RNF144A: variants seen among roughly 807,000 people sequenced by gnomAD.
RNF144A encodes E3 ubiquitin-protein ligase RNF144A.
In RNF144A, 11 loss-of-function variants were observed where a neutral mutation model predicts 38.7. The observed-to-expected ratio is 0.28, with a 90% CI of 0.18 to 0.47. RNF144A has a LOEUF of 0.47. Ranked by LOEUF, RNF144A falls within the 20% of genes least tolerant of loss-of-function variation. The pLI, the probability that RNF144A is intolerant of heterozygous loss-of-function variation, is 0.99. For missense variants in RNF144A, 316 were observed against 377.2 expected, an observed-to-expected ratio of 0.84 and a Z score of 1.34; for synonymous variants, 149 against 143.9, an observed-to-expected ratio of 1.04 and a Z score of -0.25.
chr2:6,952,042 A>C (rs1345318498), intron 2 of RNF144A, among the ~76,000 whole-genome samples: 1 of 152,144 alleles, frequency 6.6e-6, no homozygotes, highest in Non-Finnish European at 1.5e-5. Flanking sequence ...ATATTTTTCT[A>C]AATGTCATTA....
At chr2:6,934,855 TTTC>T (rs1161449116) in intron 1 of RNF144A, among the ~76,000 whole-genome samples, 11 of 152,244 alleles carry the variant, frequency 7.2e-5, no homozygotes, top group Admixed American at 4.6e-4. Flanking sequence ...TTTTAACCTG[TTTC>T]TTCTTCTGTA....
chr2:7,032,396 G>GCTCGAATCCGCGCCCCTTGCAGCTCTT (rs1344145049), intron 8 of RNF144A, among the ~76,000 whole-genome samples: 3 of 152,248 alleles, frequency 2.0e-5, no homozygotes, highest in African/African-American at 7.2e-5. Flanking sequence ...TTGCAGCTCT[G>GCTCGAATCCGCGCCCCTTGCAGCTCTT]CTCTGGCTGC....
chr2:6,950,873 C>T (rs1027433315), intron 2 of RNF144A, among the ~76,000 whole-genome samples: 1 of 152,036 alleles, frequency 6.6e-6, no homozygotes, highest in East Asian at 1.9e-4. Flanking sequence ...TTGTATTTTT[C>T]TTATTGATTT....
At chr2:7,021,755 G>A (rs1285443852) in intron 6 of RNF144A, among the ~76,000 whole-genome samples, 2 of 152,228 alleles carry the variant, frequency 1.3e-5, no homozygotes, top group African/African-American at 4.8e-5. Flanking sequence ...CACAGGGCCT[G>A]GGCCTTTCTG....
intron 1 of RNF144A, among the ~76,000 whole-genome samples, chr2:6,923,826 C>T (rs544834583): frequency 4.0e-5 from 6 of 151,234 alleles, no homozygotes; most frequent in East Asian, 1.9e-4. Flanking sequence ...CCTGTAGTTG[C>T]GTTTAAAACT....
chr2:6,995,848 A>G (rs1183515352), intron 2 of RNF144A, among the ~76,000 whole-genome samples: 5 of 152,080 alleles, frequency 3.3e-5, no homozygotes. Context: ...CTTCAATCCA[A>G]TCAAGTTGGC....
downstream of RNF144A, among the ~76,000 whole-genome samples, chr2:7,071,578 G>A (rs1239177209): frequency 6.6e-6 from 1 of 152,238 alleles, no homozygotes; most frequent in Non-Finnish European, 1.5e-5. Context: ...TTTGTGTGAT[G>A]ATTACAGGTA....
intron 2 of RNF144A, among the ~76,000 whole-genome samples, chr2:6,987,399 A>G (rs1027345083): frequency 6.6e-6 from 1 of 152,000 alleles, no homozygotes; most frequent in Non-Finnish European, 1.5e-5. Context: ...TCAGATCACA[A>G]TTCTGTCCTC....
At chr2:7,075,520 G>A in the RNF144A span, among the ~76,000 whole-genome samples, 1 of 152,142 alleles carries the variant, frequency 6.6e-6, no homozygotes. Flanking sequence ...AAGGTCATCA[G>A]GGCCCTCATG....
chr2:7,008,337 G>T (rs189002185), intron 3 of RNF144A, among the ~76,000 whole-genome samples: 250 of 152,352 alleles, frequency 1.6e-3, no homozygotes, highest in African/African-American at 5.8e-3. Context: ...CTGCAGGCCC[G>T]GCTGCAGGTT....
Position 7,040,230 on chromosome 2 carries a change from A to G in RNF144A, c.*470A>G, listed in dbSNP as rs1572465222. 1 of 986,118 alleles carries G rather than the reference A, an allele frequency of 1.0e-6. No homozygotes were observed. The highest frequency in any genetic ancestry group is 1.2e-6 in the Non-Finnish European group (1 of 830,406). The allele number at this position is 986,118 out of a possible 1,614,324, so 61.1% of individuals were successfully genotyped here. A position where few individuals can be genotyped will look rare whatever the true frequency, so the allele number is the denominator to read the frequency against. ...ACTGTTTTTATTACTAATGGCATTT[A>G]GTAAAATCCTTTTTAGAAGGTATTT... On this transcript the variant is annotated 3_prime_UTR_variant, in exon 9 of 9. Coordinates refer to ENST00000320892, the MANE Select transcript of RNF144A (RefSeq NM_014746.6).
chr2:7,018,498 A>C (rs953389155), intron 5 of RNF144A, among the ~76,000 whole-genome samples: 9 of 152,218 alleles, frequency 5.9e-5, no homozygotes, highest in Non-Finnish European at 5.9e-5. Flanking sequence ...CTCACTGCTC[A>C]GCGTGGCGCT....
intron 2 of RNF144A, chr2:6,978,478 G>C (rs147365735): frequency 5.9e-5 from 9 of 152,306 alleles, no homozygotes; most frequent in Non-Finnish European, 1.2e-4. Flanking sequence ...ACCCAAGTTC[G>C]AACGTGGGGC....
At chr2:7,004,620 C>T (rs540317182) in intron 3 of RNF144A, among the ~76,000 whole-genome samples, 1 of 152,358 alleles carries the variant, frequency 6.6e-6, no homozygotes, top group African/African-American at 2.4e-5. Flanking sequence ...TGCCTGACAT[C>T]ATCTGGTCCC....
At chr2:7,014,584 T>A in intron 4 of RNF144A, 26 bp downstream of exon 4, 1 of 1,560,570 alleles carries the variant, frequency 6.4e-7, no homozygotes, top group Non-Finnish European at 8.8e-7. Context: ...CAGACTGGGC[T>A]GTTTGATGTG....
the RNF144A span, among the ~76,000 whole-genome samples, chr2:7,075,285 C>G: frequency 4.2e-4 from 63 of 151,404 alleles, 1 homozygote; most frequent in Middle Eastern, 3.4e-3. Context: ...GGAACATCCC[C>G]CCCCCCACAC....
chr2:6,927,014 G>T (rs1327921269), intron 1 of RNF144A, among the ~76,000 whole-genome samples: 2 of 152,166 alleles, frequency 1.3e-5, no homozygotes, highest in African/African-American at 4.8e-5. Flanking sequence ...TCTTAAACTT[G>T]CGGTACTTTG....
chr2:7,030,257 C>CTCTGTGTG (rs1672202405), intron 8 of RNF144A, 42 bp downstream of exon 8: 4 of 724,932 alleles, frequency 5.5e-6, no homozygotes, highest in African/African-American at 3.8e-5. Flanking sequence ...CAGAGAGAGA[C>CTCTGTGTG]TGTGTGTGTG....
At chr2:6,947,692 T>A (rs965611934) in intron 2 of RNF144A, among the ~76,000 whole-genome samples, 36 of 152,336 alleles carry the variant, frequency 2.4e-4, no homozygotes, top group African/African-American at 8.4e-4. Flanking sequence ...GAGTAGTTTT[T>A]AAAAATTATT....
Sources: gnomAD v4.1 joint callset for allele counts (sites outside exome capture counted in the v4.1 genomes callset) on GRCh38, gnomAD v4.1.1 for gene constraint, MANE v1.5 for transcripts, NCBI Gene and HGNC (gene_info 2026-07-23, HGNC 2026-07-21) for gene names.